GPAM: variants seen among roughly 807,000 people sequenced by gnomAD.
GPAM encodes the protein glycerol-3-phosphate acyltransferase, mitochondrial.
In GPAM, 56 loss-of-function variants were observed where a neutral mutation model predicts 105.0. The ratio of observed to expected loss-of-function variants is 0.53; its 90% confidence interval spans 0.43 to 0.67. The LOEUF (loss-of-function observed/expected upper bound fraction) is 0.67. GPAM is among the 30% of genes least tolerant of loss of function. The probability of loss-of-function intolerance (pLI) is 0.00; values close to 1 mark genes in which losing one functional copy is unlikely to be tolerated. For synonymous variants in GPAM, 368 were observed against 354.4 expected (o/e 1.04, Z -0.43); for missense variants, 855 against 989.8 (o/e 0.86, Z 1.83).
chr10:112,172,131 T>G (rs531726937), intron 9 of GPAM, 51 bp downstream of exon 9: 2 of 1,382,910 alleles, frequency 1.4e-6, no homozygotes, highest in Non-Finnish European at 2.1e-6. Flanking sequence ...AAATTAAAAT[T>G]CAAAACATAA....
intron 1 of GPAM, among the ~76,000 whole-genome samples, chr10:112,206,833 T>TAA (rs57906877): frequency 4.1e-4 from 58 of 140,210 alleles, no homozygotes; most frequent in Middle Eastern, 3.7e-3. Flanking sequence ...AAAAAAAATT[T>TAA]AAAAAAAAAA....
chr10:112,163,760 G>C lies in GPAM; in HGVS notation c.1364C>G (p.Ala455Gly). 1.9e-6 allele frequency: 3 copies of C among 1,607,280 alleles called. No individual in the cohort carries two copies. The highest frequency in any genetic ancestry group is 2.6e-6 in the Non-Finnish European group (3 of 1,173,752). Reference sequence around the variant, plus strand: ...CCTCCTTCGTAGGGATTCATCTGTTGCATTTCTGGACTCATTAATGGACGT... The same window carrying C: ...CCTCCTTCGTAGGGATTCATCTGTTCCATTTCTGGACTCATTAATGGACGT... The part of the protein sequence containing the change: ...RDTSINESRN[A>G]TDESLRRRLI... Residue 455 changes from alanine (A) to glycine (G), a missense_variant, in exon 14 of 22, where the codon GCA (alanine) becomes GGA (glycine). Ala to Gly is a moderately conservative substitution (Grantham distance 60). Transcript: ENST00000348367.
chr10:112,177,954 G>C, intron 5 of GPAM, 30 bp downstream of exon 5: 4 of 1,177,934 alleles, frequency 3.4e-6, no homozygotes, highest in Non-Finnish European at 5.1e-6. Flanking sequence ...CTTTTGAGAT[G>C]TATTAAAAAC....
rs1436835346 is a variant in GPAM at position 112,153,309 on chromosome 10, G to A, written c.*241C>T. 82 of 1,366,468 alleles carry A rather than the reference G, an allele frequency of 6.0e-5. No homozygotes were observed. Among genetic ancestry groups the A allele is most frequent in the Non-Finnish European group, 7.0e-5 (74 of 1,057,822 alleles). The allele number at this position is 1,366,468 out of a possible 1,614,324, so 84.6% of individuals were successfully genotyped here. On this transcript the variant is annotated 3_prime_UTR_variant, in exon 22 of 22. Coordinates refer to ENST00000348367, the MANE Select transcript of GPAM (RefSeq NM_001244949.2). The stretch of plus-strand genomic sequence containing the variant: ...ATTGAGATTTCATCTTGTAGTCTAC[G>A]GATTATGAGTTGCGAATAGAGGCTG...
rs1847111861 is a variant in GPAM, at chr10:112,160,872, A to C, written c.1495-4T>G. Reference sequence around the variant, plus strand: ...CCAATGTGGAGAGATCAATTCCCTAAAGAAAGATGGAAACGGTATCATGAT... The same window carrying C: ...CCAATGTGGAGAGATCAATTCCCTACAGAAAGATGGAAACGGTATCATGAT... On this transcript the variant is annotated splice_polypyrimidine_tract_variant and splice_region_variant and intron_variant, in intron 15 of 21. Coordinates refer to ENST00000348367, the MANE Select transcript of GPAM (RefSeq NM_001244949.2). 4 of 1,612,574 alleles carry C rather than the reference A, an allele frequency of 2.5e-6. No homozygotes were observed. Among genetic ancestry groups the C allele is most frequent in the Non-Finnish European group, 3.4e-6 (4 of 1,179,008 alleles).
chr10:112,194,430 C>A (rs1224905455), intron 1 of GPAM, among the ~76,000 whole-genome samples: 3 of 152,204 alleles, frequency 2.0e-5, no homozygotes, highest in Admixed American at 1.3e-4. Flanking sequence ...AAAATTGCAT[C>A]TCTGCGGACA....
Position 112,151,509 on chromosome 10 carries a change from G to A in GPAM, c.*2041C>T, listed in dbSNP as rs1846918466. ...TTATCCTCACAGTGAGTTAAGTGGT[G>A]AGAGAGCTAGCAAATCATACATTGC... On this transcript the variant is annotated 3_prime_UTR_variant, in exon 22 of 22. Coordinates refer to ENST00000348367, the MANE Select transcript of GPAM (RefSeq NM_001244949.2). 2 of 985,642 alleles carry A rather than the reference G, an allele frequency of 2.0e-6. No individual in the cohort carries two copies. The allele number at this position is 985,642 out of a possible 1,614,324, so 61.1% of individuals were successfully genotyped here.
At chr10:112,206,931 T>G (rs1409960464) in intron 1 of GPAM, among the ~76,000 whole-genome samples, 1 of 152,128 alleles carries the variant, frequency 6.6e-6, no homozygotes, top group Non-Finnish European at 1.5e-5. Flanking sequence ...TCATTCAGAT[T>G]TCCATGAAGT....
At position 112,153,868 on chromosome 10, in the gene GPAM, TA is replaced by T. The variant is rs762157658; in HGVS notation, c.2371-203del. The T allele has an allele frequency of 5.6e-3, 2,479 of 440,816 alleles. 50 individuals are homozygous for T. The African/African-American group carries it at 0.11, about 19-fold the overall frequency. The allele number at this position is 440,816 out of a possible 1,614,324, so 27.3% of individuals were successfully genotyped here. A position where few individuals can be genotyped will look rare whatever the true frequency, so the allele number is the denominator to read the frequency against. ...CAATGCAAACAAGGTTTTCTTTTTC[TA>T]TTTTTTTTTTTTTGTTTTGATGGAG... On this transcript the variant is annotated intron_variant, in intron 21 of 21. Coordinates refer to ENST00000348367, the MANE Select transcript of GPAM (RefSeq NM_001244949.2).
At chr10:112,212,466 T>C (rs897962703) in intron 1 of GPAM, among the ~76,000 whole-genome samples, 15 of 152,126 alleles carry the variant, frequency 9.9e-5, no homozygotes, top group African/African-American at 1.4e-4. Context: ...GATTTCACCA[T>C]GTTAGCCAGG....
chr10:112,165,751 A>G lies in GPAM; in HGVS notation c.1221+651T>C, dbSNP rs561441235. On this transcript the variant is annotated intron_variant, in intron 12 of 21. Coordinates refer to ENST00000348367, the MANE Select transcript of GPAM (RefSeq NM_001244949.2). Reference sequence around the variant, plus strand: ...TTTGGAAAAATTTCCCCTAAAGGCAATTTTGAAACATAAGATATAAATACG... The same window carrying G: ...TTTGGAAAAATTTCCCCTAAAGGCAGTTTTGAAACATAAGATATAAATACG... Among the ~76,000 whole-genome samples, 3 of 152,322 alleles carry G rather than the reference A, an allele frequency of 2.0e-5. No individual in the cohort carries two copies. The East Asian group carries it at 5.8e-4, about 29-fold the overall frequency.
chr10:112,198,585 G>A (rs1006350352), intron 1 of GPAM, among the ~76,000 whole-genome samples: 1 of 152,154 alleles, frequency 6.6e-6, no homozygotes, highest in Non-Finnish European at 1.5e-5. Flanking sequence ...AGTGTTTGCA[G>A]TACAGCTATT....
intron 12 of GPAM, among the ~76,000 whole-genome samples, chr10:112,164,826 A>T (rs1847184884): frequency 6.6e-6 from 1 of 152,252 alleles, no homozygotes; most frequent in Non-Finnish European, 1.5e-5. Context: ...CACTGAAGAC[A>T]CAAAGAATAG....
chr10:112,170,123 C>T (rs1847288031), intron 9 of GPAM, among the ~76,000 whole-genome samples: 1 of 152,112 alleles, frequency 6.6e-6, no homozygotes, highest in Admixed American at 6.5e-5. Context: ...AACCATCCTC[C>T]CCACCCCCAT....
intron 1 of GPAM, among the ~76,000 whole-genome samples, chr10:112,194,432 C>T (rs899075561): frequency 2.0e-5 from 3 of 152,232 alleles, no homozygotes; most frequent in African/African-American, 7.2e-5. Flanking sequence ...AATTGCATCT[C>T]TGCGGACACT....
chr10:112,182,079 T>C (rs1847519611), intron 2 of GPAM, among the ~76,000 whole-genome samples: 1 of 151,984 alleles, frequency 6.6e-6, no homozygotes, highest in Admixed American at 6.6e-5. Context: ...GTATCCTTTG[T>C]ATCCACACAA....
At chr10:112,183,233 T>C (rs1847539739) in intron 1 of GPAM, among the ~76,000 whole-genome samples, 1 of 152,242 alleles carries the variant, frequency 6.6e-6, no homozygotes, top group African/African-American at 2.4e-5. Context: ...CCTGGATTGT[T>C]GAGAGGACGG....
chr10:112,226,691 T>C, the GPAM span, among the ~76,000 whole-genome samples: 1 of 152,168 alleles, frequency 6.6e-6, no homozygotes, highest in African/African-American at 2.4e-5. Context: ...TGAGAGAAAG[T>C]GATGCATCAA....
At position 112,172,186 on chromosome 10, in the gene GPAM, A is replaced by T. The variant is rs1441032847; in HGVS notation, c.790T>A (p.Phe264Ile). 2 of 1,606,120 alleles carry T rather than the reference A, an allele frequency of 1.2e-6. No individual in the cohort carries two copies. The highest frequency in any genetic ancestry group is 3.3e-5 in the Admixed American group (2 of 60,004). The stretch of plus-strand genomic sequence containing the variant: ...TCCAAAATAAGCTCATCTTACCTGA[A>T]GATTGGGATGTTGAGATTATTGCCT... ...ASGNNLNIPIFSTLIHKLGGF... is the reference protein window; with the variant it reads ...ASGNNLNIPIISTLIHKLGGF... Residue 264 changes from phenylalanine to isoleucine, a missense_variant, in exon 9 of 22, where the codon TTC (phenylalanine) becomes ATC (isoleucine). Transcript: ENST00000348367.
Sources: allele counts gnomAD v4.1 joint callset (sites outside exome capture counted in the v4.1 genomes callset), GRCh38; gene constraint gnomAD v4.1.1; transcripts MANE v1.5; gene names NCBI Gene and HGNC (gene_info 2026-07-23, HGNC 2026-07-21).